Variants in EDEM3 observed in about 807,000 individuals in gnomAD.
EDEM3 encodes ER degradation enhancing alpha-mannosidase like protein 3, also known as ER degradation-enhancing alpha-mannosidase-like protein 3.
In EDEM3, 60 loss-of-function variants were observed where a neutral mutation model predicts 110.2. The ratio of observed to expected loss-of-function variants is 0.54; its 90% CI spans 0.44 to 0.67. The LOEUF (loss-of-function observed/expected upper bound fraction) is 0.67, where lower values mean the gene tolerates loss of function less well. Ranked by LOEUF, EDEM3 falls within the 30% of genes least tolerant of loss-of-function variation. The pLI, the probability that EDEM3 is intolerant of heterozygous loss-of-function variation, is 0.00. For synonymous variants in EDEM3, 352 were observed against 382.9 expected, an observed-to-expected ratio of 0.92 and a Z score of 0.94; for missense variants, 996 against 1,121.0, an observed-to-expected ratio of 0.89 and a Z score of 1.59.
At position 184,712,497 on chromosome 1, in the gene EDEM3, G is replaced by T. The variant is rs1219324334; in HGVS notation, c.1472C>A (p.Thr491Lys). 1.9e-6 allele frequency: 3 copies of T among 1,607,016 alleles called. No homozygotes were observed. The part of the protein sequence containing the change: ...IFDIEDYIFT[T>K]EAHLLPLWLS... ...CCAAAGAGGTAACAGATGAGCTTCTGTTGTAAAGATGTAATCTTCTATGTC... is the reference window on the plus strand; with the variant it reads ...CCAAAGAGGTAACAGATGAGCTTCTTTTGTAAAGATGTAATCTTCTATGTC... The change falls in exon 14 of 20, where the codon ACA (threonine) becomes AAA (lysine). Residue 491 changes from threonine (T) to lysine (K), a missense_variant. Thr to Lys is a moderately conservative substitution (Grantham distance 78). Transcript: ENST00000318130.
At chr1:184,703,066 A>C in intron 18 of EDEM3, 70 bp from the exon 19 acceptor site, 1 of 1,221,028 alleles carries the variant, frequency 8.2e-7, no homozygotes, top group Non-Finnish European at 1.1e-6. Context: ...ACTAATTGTT[A>C]CTGATTTTTT....
chr1:184,732,580 C>G (rs928136187), intron 6 of EDEM3, among the ~76,000 whole-genome samples: 3 of 152,040 alleles, frequency 2.0e-5, no homozygotes, highest in Non-Finnish European at 4.4e-5. Context: ...ATCTCACATA[C>G]CCCATTAATA....
intron 16 of EDEM3, 148 bp downstream of exon 16, chr1:184,710,246 T>A: frequency 1.1e-6 from 1 of 908,432 alleles, no homozygotes; most frequent in Non-Finnish European, 1.6e-6. Context: ...CTTTCCAAGA[T>A]ACTTCCAAGT....
intron 13 of EDEM3, among the ~76,000 whole-genome samples, chr1:184,715,544 C>T (rs1650496437): frequency 6.6e-6 from 1 of 152,074 alleles, no homozygotes; most frequent in East Asian, 1.9e-4. Flanking sequence ...AATGAATTGC[C>T]AGTATAACAT....
intron 6 of EDEM3, among the ~76,000 whole-genome samples, chr1:184,730,201 C>G (rs1651429631): frequency 1.3e-5 from 2 of 152,166 alleles, no homozygotes; most frequent in African/African-American, 2.4e-5. Flanking sequence ...TCTTAAAAAG[C>G]ATTCCCTACT....
intron 14 of EDEM3, among the ~76,000 whole-genome samples, 163 bp from the exon 15 acceptor site, chr1:184,712,040 C>A (rs1650273113): frequency 6.6e-6 from 1 of 152,006 alleles, no homozygotes; most frequent in African/African-American, 2.4e-5. Context: ...CATTCTCCTG[C>A]CTCAGCCTTC....
At chr1:184,716,755 A>G in intron 13 of EDEM3, 133 bp downstream of exon 13, 1 of 1,319,014 alleles carries the variant, frequency 7.6e-7, no homozygotes. Flanking sequence ...CAGAGTTTAA[A>G]AAAGTAAACA....
At chr1:184,724,902 AG>A (rs1651107093) in intron 7 of EDEM3, among the ~76,000 whole-genome samples, 1 of 152,224 alleles carries the variant, frequency 6.6e-6, no homozygotes, top group African/African-American at 2.4e-5. Flanking sequence ...TATTAGACCA[AG>A]GGTCAGCAAA....
intron 2 of EDEM3, among the ~76,000 whole-genome samples, chr1:184,738,070 T>G (rs1046732426): frequency 2.6e-5 from 4 of 152,218 alleles, no homozygotes; most frequent in African/African-American, 9.6e-5. Flanking sequence ...GAACAGGTGT[T>G]CATGCCATAT....
At chr1:184,694,559 G>A (rs1649233370) in intron 19 of EDEM3, 87 bp from the exon 20 acceptor site, 1 of 1,298,058 alleles carries the variant, frequency 7.7e-7, no homozygotes, top group African/African-American at 1.5e-5. Flanking sequence ...TTTGCAACAA[G>A]ATGAAATAAA....
intron 1 of EDEM3, among the ~76,000 whole-genome samples, chr1:184,752,276 A>C (rs1234719773): frequency 1.3e-5 from 2 of 152,168 alleles, no homozygotes; most frequent in Non-Finnish European, 2.9e-5. Flanking sequence ...TATTCATGAC[A>C]ATTCCAGTCT....
intron 1 of EDEM3, among the ~76,000 whole-genome samples, chr1:184,750,989 C>A (rs1203069510): frequency 6.6e-6 from 1 of 151,956 alleles, no homozygotes; most frequent in Non-Finnish European, 1.5e-5. Flanking sequence ...ACAGAAAAGA[C>A]CTCAGTTCCA....
At chr1:184,739,461 T>C (rs1245469125) in intron 2 of EDEM3, among the ~76,000 whole-genome samples, 1 of 151,552 alleles carries the variant, frequency 6.6e-6, no homozygotes, top group Non-Finnish European at 1.5e-5. Context: ...TGGAGAACTT[T>C]GATATTTCCT....
chr1:184,705,331 T>G (rs1649856586), intron 18 of EDEM3, among the ~76,000 whole-genome samples: 1 of 152,192 alleles, frequency 6.6e-6, no homozygotes, highest in African/African-American at 2.4e-5. Context: ...ATAAAGAGCA[T>G]GATTTAAGTC....
At position 184,690,559 on chromosome 1, in the gene EDEM3, T is replaced by C. The variant is rs1039405119; in HGVS notation, c.*3504A>G. ...CAATCAGTAATTATAATCAAATACA[T>C]AATTATATACAGGATTATATACATT... On this transcript the variant is annotated 3_prime_UTR_variant, in exon 20 of 20. Transcript: ENST00000318130. The C allele has an allele frequency of 9.8e-5, 15 of 152,642 alleles. No individual in the cohort carries two copies. The highest frequency in any genetic ancestry group is 2.9e-4 in the African/African-American group (12 of 41,456). The allele number at this position is 152,642 out of a possible 1,614,324, so 9.5% of individuals were successfully genotyped here. A position where few individuals can be genotyped will look rare whatever the true frequency, so the allele number is the denominator to read the frequency against.
intron 6 of EDEM3, among the ~76,000 whole-genome samples, chr1:184,730,331 C>T (rs973664269): frequency 6.6e-6 from 1 of 152,168 alleles, no homozygotes; most frequent in Middle Eastern, 3.4e-3. Flanking sequence ...TCTGTGAGTC[C>T]AGTACTTCAG....
chr1:184,730,388 C>T (rs1651441163), intron 6 of EDEM3, among the ~76,000 whole-genome samples: 1 of 152,016 alleles, frequency 6.6e-6, no homozygotes. Flanking sequence ...CTGAGACTAG[C>T]CTGGGCAACA....
At chr1:184,712,119 G>C (rs1650280948) in intron 14 of EDEM3, among the ~76,000 whole-genome samples, 1 of 151,736 alleles carries the variant, frequency 6.6e-6, no homozygotes. Flanking sequence ...GTAGAGACGG[G>C]GTTTCACCAT....
At chr1:184,709,057 G>C (rs1650087413) in intron 16 of EDEM3, among the ~76,000 whole-genome samples, 1 of 152,154 alleles carries the variant, frequency 6.6e-6, no homozygotes, top group South Asian at 2.1e-4. Context: ...TTAGAGGATG[G>C]AAAAGGATAA....
Sources: allele counts gnomAD v4.1 joint callset (sites outside exome capture counted in the v4.1 genomes callset), GRCh38; gene constraint gnomAD v4.1.1; transcripts MANE v1.5; gene names NCBI Gene and HGNC (gene_info 2026-07-23, HGNC 2026-07-21).